SYNE1: variants seen among roughly 807,000 people sequenced by gnomAD.
SYNE1 encodes spectrin repeat containing nuclear envelope protein 1.
SYNE1 carries 616 observed loss-of-function variants against 1,111.0 expected under a neutral mutation model. That is an observed-to-expected ratio of 0.55 (90% CI 0.52 to 0.59). The LOEUF (loss-of-function observed/expected upper bound fraction) is 0.59, where lower values mean the gene tolerates loss of function less well. SYNE1 is among the 20% of genes least tolerant of loss of function. The probability of loss-of-function intolerance (pLI) is 0.00; values close to 1 mark genes in which losing one functional copy is unlikely to be tolerated. For synonymous variants in SYNE1, 3,855 were observed against 3,825.8 expected (o/e 1.01, Z -0.28); for missense variants, 10,006 against 10,417.0 (o/e 0.96, Z 1.72).
At chr6:152,523,076 T>A (rs1351491877) in intron 5 of SYNE1, among the ~76,000 whole-genome samples, 2 of 152,128 alleles carry the variant, frequency 1.3e-5, no homozygotes, top group African/African-American at 2.4e-5. Context: ...TTTATCTATT[T>A]CTATTTTAGT....
At chr6:152,353,240 A>G (rs1322355107) in intron 69 of SYNE1, 23 bp downstream of exon 69, 1 of 1,614,086 alleles carries the variant, frequency 6.2e-7, no homozygotes, top group Non-Finnish European at 8.5e-7. Context: ...GGTTGGATAC[A>G]AATCTGAAGT....
intron 3 of SYNE1, among the ~76,000 whole-genome samples, chr6:152,566,483 C>A (rs1166367848): frequency 1.3e-5 from 2 of 151,570 alleles, no homozygotes; most frequent in African/African-American, 4.8e-5. Context: ...ACAGGAAGAT[C>A]CAAGAGCAGC....
At chr6:152,308,348 A>C (rs1000374534) in intron 91 of SYNE1, 141 bp downstream of exon 91, 4 of 1,183,852 alleles carry the variant, frequency 3.4e-6, no homozygotes, top group Admixed American at 2.1e-5. Flanking sequence ...CAATGCTTAG[A>C]TAGCCAAAGA....
chr6:152,294,896 T>C (rs189784812), intron 93 of SYNE1, among the ~76,000 whole-genome samples: 1 of 152,332 alleles, frequency 6.6e-6, no homozygotes, highest in East Asian at 1.9e-4. Flanking sequence ...GTTATTTATC[T>C]GTATTTCAGT....
Position 152,453,577 on chromosome 6 carries a change from C to A in SYNE1, c.3027+9G>T. ...GGATGCACGGTGTCTCCGTCCTGTC[C>A]TGACTCACCTTCCATTGTTTGTGGA... On this transcript the variant is annotated intron_variant, in intron 25 of 145. Coordinates refer to ENST00000367255, the MANE Select transcript of SYNE1 (RefSeq NM_182961.4). 2 of 1,614,204 alleles carry A rather than the reference C, an allele frequency of 1.2e-6. No homozygotes were observed. Among genetic ancestry groups the A allele is most frequent in the Non-Finnish European group, 1.7e-6 (2 of 1,180,038 alleles).
At position 152,318,998 on chromosome 6, in the gene SYNE1, T is replaced by C; in HGVS notation, c.16254A>G (p.Lys5418=). 1 of 1,614,178 alleles carries C rather than the reference T, an allele frequency of 6.2e-7. No homozygotes were observed. Among genetic ancestry groups the C allele is most frequent in the Non-Finnish European group, 8.5e-7 (1 of 1,180,024 alleles). The change falls in exon 85 of 146, where the codon AAA becomes AAG. Residue 5418 remains lysine, a synonymous_variant. Coordinates refer to ENST00000367255, the MANE Select transcript of SYNE1 (RefSeq NM_182961.4). The part of the protein sequence containing the change: ...KIRDQIQDKI[K]EVEQSKATSQ... The stretch of plus-strand genomic sequence containing the variant: ...TCGTGGCCTTGCTCTGCTCAACTTC[T>C]TTTATTTTGTCTTGGATCTAAAAAA...
At chr6:152,337,634 G>A (rs1186695077) in intron 75 of SYNE1, among the ~76,000 whole-genome samples, 2 of 152,202 alleles carry the variant, frequency 1.3e-5, no homozygotes, top group Non-Finnish European at 2.9e-5. Context: ...AAGCTGCTCT[G>A]ATGGTTTTTC....
At chr6:152,369,658 T>C in intron 59 of SYNE1, 44 bp from the exon 60 acceptor site, 1 of 1,610,276 alleles carries the variant, frequency 6.2e-7, no homozygotes, top group Non-Finnish European at 8.5e-7. Flanking sequence ...AATATTTTAA[T>C]AGCAAGTCCA....
intron 3 of SYNE1, among the ~76,000 whole-genome samples, chr6:152,578,925 TGTTAA>T (rs1452243726): frequency 2.0e-5 from 3 of 152,236 alleles, no homozygotes; most frequent in African/African-American, 7.2e-5. Flanking sequence ...TGGAAACAGA[TGTTAA>T]GTTAATATTC....
intron 130 of SYNE1, chr6:152,168,285 T>G: frequency 1.6e-6 from 1 of 618,056 alleles, no homozygotes; most frequent in Non-Finnish European, 2.9e-6. Flanking sequence ...CCCTTGTCTG[T>G]GTATAGAAGT....
chr6:152,500,819 C>T (rs1156603698), intron 10 of SYNE1, among the ~76,000 whole-genome samples: 3 of 151,804 alleles, frequency 2.0e-5, no homozygotes, highest in Non-Finnish European at 2.9e-5. Context: ...GGCGTGGTGG[C>T]GGGCGCCTGT....
In SYNE1 at chr6:152,391,310, T is replaced by C. The variant is rs1443750161; in HGVS notation, c.7971A>G (p.Lys2657=). 2.5e-6 allele frequency: 4 copies of C among 1,614,082 alleles called. No individual in the cohort carries two copies. Among genetic ancestry groups the C allele is most frequent in the Non-Finnish European group, 3.4e-6 (4 of 1,179,992 alleles). ...GTGACAGCCGTTTCTCCAGGGTGTC[T>C]TTGCTCCCAAGAGTGCTCTCTGCAC... is the stretch of plus-strand genomic sequence containing the variant. The part of the protein sequence containing the change: ...LACAESTLGS[K]DTLEKRLSQI... Residue 2657 remains lysine, a synonymous_variant, in exon 52 of 146, where the codon AAA becomes AAG. Coordinates refer to ENST00000367255, the MANE Select transcript of SYNE1 (RefSeq NM_182961.4).
intron 32 of SYNE1, 30 bp downstream of exon 32, chr6:152,441,100 A>C (rs2098525938): frequency 6.2e-7 from 1 of 1,612,346 alleles, no homozygotes; most frequent in Admixed American, 1.7e-5. Flanking sequence ...GTTTTTTCTG[A>C]ATATTGGGTA....
At position 152,350,784 on chromosome 6, in the gene SYNE1, G is replaced by A. The variant is rs75753948; in HGVS notation, c.11581-14C>T. ...TTGTTGAAGTGACTTGAATTACAAA[G>A]AAAAAAAAATGAGCCTGCTCATCTC... On this transcript the variant is annotated splice_polypyrimidine_tract_variant and intron_variant, in intron 70 of 145. Coordinates refer to ENST00000367255, the MANE Select transcript of SYNE1 (RefSeq NM_182961.4). 189 of 1,573,456 alleles carry A rather than the reference G, an allele frequency of 1.2e-4. No individual in the cohort carries two copies. Among genetic ancestry groups the A allele is most frequent in the Admixed American group, 6.0e-4 (35 of 58,290 alleles).
chr6:152,358,274 C>T (rs2096873214), intron 66 of SYNE1, 99 bp downstream of exon 66: 1 of 1,508,842 alleles, frequency 6.6e-7, no homozygotes, highest in East Asian at 2.3e-5. Context: ...TATCAACTAG[C>T]CACTGGACTC....
chr6:152,568,460 A>G (rs1280642531), intron 3 of SYNE1, among the ~76,000 whole-genome samples: 16 of 151,116 alleles, frequency 1.1e-4, no homozygotes, highest in Non-Finnish European at 5.9e-5. Flanking sequence ...GTACCACCAC[A>G]CTCGGCTAAT....
chr6:152,133,512 T>C (rs1159392091), intron 142 of SYNE1, 24 bp from the exon 143 acceptor site: 1 of 1,611,218 alleles, frequency 6.2e-7, no homozygotes, highest in Non-Finnish European at 8.5e-7. Flanking sequence ...AACAAATTAA[T>C]TTTTCTAAGC....
intron 3 of SYNE1, among the ~76,000 whole-genome samples, chr6:152,557,663 T>C (rs2099373178): frequency 6.6e-6 from 1 of 152,074 alleles, no homozygotes; most frequent in African/African-American, 2.4e-5. Flanking sequence ...GATAATATAA[T>C]CAAAGTGCTG....
At position 152,569,125 on chromosome 6, in the gene SYNE1, A is replaced by G. The variant is rs561476258; in HGVS notation, c.68-29104T>C. On this transcript the variant is annotated intron_variant, in intron 3 of 145. Transcript: ENST00000367255. ...GCAGCAGCATCAGCACCACCTGGGA[A>G]CTTGTTAGAAATGTAAATTCCTGGC... is the stretch of plus-strand genomic sequence containing the variant. 4.6e-5 allele frequency among the ~76,000 whole-genome samples: 7 copies of G among 152,306 alleles called. No homozygotes were observed. In the South Asian group the frequency reaches 6.2e-4, roughly 14 times the overall value.
Sources: allele counts gnomAD v4.1 joint callset (sites outside exome capture counted in the v4.1 genomes callset), GRCh38; gene constraint gnomAD v4.1.1; transcripts MANE v1.5; gene names NCBI Gene and HGNC (gene_info 2026-07-23, HGNC 2026-07-21).